Variants in CUX2 observed in about 807,000 individuals in gnomAD.
The protein encoded by CUX2 is homeobox protein cut-like 2.
Under a neutral mutation model 144.8 loss-of-function variants are expected in CUX2, and 40 were observed. The ratio of observed to expected loss-of-function variants is 0.28; its 90% CI spans 0.21 to 0.36. The LOEUF is 0.36. CUX2 is among the 10% of genes least tolerant of loss of function. The pLI, the probability that CUX2 is intolerant of heterozygous loss-of-function variation, is 1.00. For missense variants in CUX2, 1,615 were observed against 1,994.0 expected (o/e 0.81, Z 3.62); for synonymous variants, 827 against 875.6 (o/e 0.94, Z 0.98).
chr12:111,213,262 A>G (rs555023802), intron 1 of CUX2, among the ~76,000 whole-genome samples: 8 of 152,368 alleles, frequency 5.3e-5, no homozygotes, highest in South Asian at 4.1e-4. Context: ...CCACATAAAC[A>G]GAGCATTTCT....
At position 111,307,024 on chromosome 12, in the gene CUX2, A is replaced by G; in HGVS notation, c.962A>G (p.Gln321Arg). The G allele has an allele frequency of 6.2e-7, 1 of 1,613,888 alleles. No homozygotes were observed. Among genetic ancestry groups the G allele is most frequent in the South Asian group, 1.1e-5 (1 of 91,080 alleles). The change falls in exon 11 of 22, where the codon CAG becomes CGG. Residue 321 changes from glutamine to arginine, a missense_variant. Coordinates refer to ENST00000261726, the MANE Select transcript of CUX2 (RefSeq NM_015267.4). The surrounding 1 kb of genome is among the most constrained non-coding windows in gnomAD (Gnocchi z 4.1). The stretch of plus-strand genomic sequence containing the variant: ...CTGCTGAAGGACGTGCAGCACCTCC[A>G]GAGCTCACTGCAGGAGCTGGAGGAG... ...LRLLKDVQHL[Q>R]SSLQELEEAS...
intron 1 of CUX2, among the ~76,000 whole-genome samples, chr12:111,139,439 G>A (rs1021687764): frequency 6.6e-6 from 1 of 152,154 alleles, no homozygotes; most frequent in African/African-American, 2.4e-5. Context: ...GCAAAGGTTT[G>A]AGCAATGGGC....
intron 19 of CUX2, 69 bp from the exon 20 acceptor site, chr12:111,338,217 T>C: frequency 6.8e-7 from 1 of 1,476,926 alleles, no homozygotes; most frequent in Non-Finnish European, 9.1e-7. Flanking sequence ...GCCTATTCCA[T>C]GTCTCTCCTG....
At chr12:111,123,871 C>T (rs750699482) in intron 1 of CUX2, among the ~76,000 whole-genome samples, 5 of 152,216 alleles carry the variant, frequency 3.3e-5, no homozygotes, top group Admixed American at 6.5e-5. Flanking sequence ...GAGGGTGATG[C>T]TCCTTTTGGT....
chr12:111,332,691 G>A (rs1592979625), intron 18 of CUX2, among the ~76,000 whole-genome samples: 3 of 152,282 alleles, frequency 2.0e-5, no homozygotes, highest in South Asian at 4.1e-4. Context: ...ACTGTACCCA[G>A]TTTGAACAGT....
chr12:111,072,134 G>A (rs913621306), intron 1 of CUX2, among the ~76,000 whole-genome samples: 4 of 152,164 alleles, frequency 2.6e-5, no homozygotes, highest in African/African-American at 9.7e-5. Flanking sequence ...GAATCAGTTT[G>A]TCACTACCCA....
At chr12:111,292,919 C>T (rs971516919) in intron 5 of CUX2, among the ~76,000 whole-genome samples, 1 of 151,992 alleles carries the variant, frequency 6.6e-6, no homozygotes, top group Non-Finnish European at 1.5e-5. Flanking sequence ...GGTCAGGAGT[C>T]CAAGACCAGC....
chr12:111,236,370 G>A (rs1882744746), intron 3 of CUX2, among the ~76,000 whole-genome samples: 1 of 152,168 alleles, frequency 6.6e-6, no homozygotes. Context: ...TACACATACT[G>A]ACTTTAGAAA....
At position 111,293,436 on chromosome 12, in the gene CUX2, C is replaced by T. The variant is rs774614700; in HGVS notation, c.437-10C>T. On this transcript the variant is annotated splice_polypyrimidine_tract_variant and intron_variant, in intron 5 of 21. Transcript: ENST00000261726. The surrounding 1 kb of genome is among the most constrained non-coding windows in gnomAD (Gnocchi z 4.5). Reference sequence around the variant, plus strand: ...GGCAATGGGGGTTTTCCCTCTTTTTCTCCCTGCAGAGCAGAGAGAGGGGAC... The same window carrying T: ...GGCAATGGGGGTTTTCCCTCTTTTTTTCCCTGCAGAGCAGAGAGAGGGGAC... 2.2e-5 allele frequency: 35 copies of T among 1,600,252 alleles called. No individual in the cohort carries two copies. The highest frequency in any genetic ancestry group is 2.7e-5 in the African/African-American group (2 of 74,492).
At chr12:111,137,075 C>A (rs1875939467) in intron 1 of CUX2, among the ~76,000 whole-genome samples, 1 of 151,726 alleles carries the variant, frequency 6.6e-6, no homozygotes, top group Non-Finnish European at 1.5e-5. Context: ...GTAGGTGGGA[C>A]CACAGGCACG....
intron 1 of CUX2, among the ~76,000 whole-genome samples, chr12:111,177,608 C>A (rs1324140601): frequency 6.6e-6 from 1 of 152,218 alleles, no homozygotes; most frequent in African/African-American, 2.4e-5. Context: ...CCAGGCTGGT[C>A]TCGAACTCCT....
At chr12:111,249,424 A>T (rs1413035918) in intron 3 of CUX2, among the ~76,000 whole-genome samples, 187 of 111,572 alleles carry the variant, frequency 1.7e-3, no homozygotes, top group Admixed American at 3.6e-3. Flanking sequence ...TTTTTTTTTT[A>T]AATTAATAGA....
At position 111,107,502 on chromosome 12, in the gene CUX2, A is replaced by T. The variant is rs532951879; in HGVS notation, c.63+73262A>T. ...TGCCTCAGGGAGTTCCGGGAGCTGC[A>T]GGTTTCACCTGGGGAGGGCCCAGTG... On this transcript the variant is annotated intron_variant, in intron 1 of 21. Transcript: ENST00000261726. Among the ~76,000 whole-genome samples the T allele has an allele frequency of 2.6e-5, 4 of 152,386 alleles. No homozygotes were observed. The South Asian group carries it at 8.3e-4, about 32-fold the overall frequency.
At chr12:111,149,254 A>G (rs1365328751) in intron 1 of CUX2, among the ~76,000 whole-genome samples, 5 of 152,182 alleles carry the variant, frequency 3.3e-5, no homozygotes, top group Non-Finnish European at 7.3e-5. Flanking sequence ...TTCTTAAAAC[A>G]TCATGAGTTT....
At chr12:111,148,102 C>T (rs1180499294) in intron 1 of CUX2, among the ~76,000 whole-genome samples, 1 of 152,180 alleles carries the variant, frequency 6.6e-6, no homozygotes, top group Non-Finnish European at 1.5e-5. Context: ...GCATTTTTCA[C>T]AAGAGCCAAA....
chr12:111,298,468 G>A (rs1452157771), intron 8 of CUX2, 73 bp from the exon 9 acceptor site: 2 of 1,482,380 alleles, frequency 1.3e-6, no homozygotes, highest in African/African-American at 1.4e-5. Flanking sequence ...GGCAGGGGCT[G>A]GGGGTGTCAG....
intron 9 of CUX2, among the ~76,000 whole-genome samples, chr12:111,299,589 T>G (rs1172554644): frequency 6.6e-6 from 1 of 152,208 alleles, no homozygotes; most frequent in Non-Finnish European, 1.5e-5. Context: ...AGGGCTAGGT[T>G]ACCGTGGTGG....
At chr12:111,258,077 C>G (rs981096415) in intron 3 of CUX2, among the ~76,000 whole-genome samples, 1 of 152,220 alleles carries the variant, frequency 6.6e-6, no homozygotes, top group East Asian at 1.9e-4. Flanking sequence ...TTCCATGGGA[C>G]TCTTTGCTGC....
chr12:111,071,332 G>A (rs1394325711), intron 1 of CUX2, among the ~76,000 whole-genome samples: 1 of 152,084 alleles, frequency 6.6e-6, no homozygotes, highest in Non-Finnish European at 1.5e-5. Context: ...GTGTGTAGAG[G>A]TATCTCACTA....
Sources: allele counts gnomAD v4.1 joint callset (sites outside exome capture counted in the v4.1 genomes callset), GRCh38; gene constraint gnomAD v4.1.1; non-coding constraint Gnocchi (gnomAD v3.1); transcripts MANE v1.5; gene names NCBI Gene and HGNC (gene_info 2026-07-23, HGNC 2026-07-21).